GSTCD: variants seen among roughly 807,000 people sequenced by gnomAD.
GSTCD encodes the protein glutathione S-transferase C-terminal domain containing.
In GSTCD, 44 loss-of-function variants were observed where a neutral mutation model predicts 68.3. The ratio of observed to expected loss-of-function variants is 0.64; its 90% CI spans 0.51 to 0.83. The LOEUF (loss-of-function observed/expected upper bound fraction) is 0.83. GSTCD is among the 40% of genes least tolerant of loss of function. The pLI is 0.00. For missense variants in GSTCD, 739 were observed against 735.9 expected (o/e 1.00, Z -0.05); for synonymous variants, 273 against 255.2 (o/e 1.07, Z -0.67).
In GSTCD at chr4:105,834,515, A is replaced by C. The variant is rs777504198; in HGVS notation, c.1585A>C (p.Lys529Gln). 6 of 1,614,032 alleles carry C rather than the reference A, an allele frequency of 3.7e-6. No homozygotes were observed. The Admixed American group carries it at 1.0e-4, about 27-fold the overall frequency. The change falls in exon 9 of 12, where the codon AAA becomes CAA. Residue 529 changes from lysine to glutamine, a missense_variant. Transcript: ENST00000515279. The part of the protein sequence containing the change: ...ATDMVIEHCI[K>Q]TRASFVTCPC... ...AGACATGGTGATTGAGCACTGTATCAAAACACGGGCTTCCTTCGTCACATG... is the reference window on the plus strand; with the variant it reads ...AGACATGGTGATTGAGCACTGTATCCAAACACGGGCTTCCTTCGTCACATG...
intron 5 of GSTCD, among the ~76,000 whole-genome samples, chr4:105,785,787 T>C (rs1032364499): frequency 2.6e-5 from 4 of 152,070 alleles, no homozygotes; most frequent in Non-Finnish European, 4.4e-5. Flanking sequence ...GGCCTCTACA[T>C]TGGAAAAAGA....
intron 5 of GSTCD, among the ~76,000 whole-genome samples, chr4:105,748,882 CA>C (rs1733906565): frequency 6.6e-6 from 1 of 151,738 alleles, no homozygotes; most frequent in Admixed American, 6.6e-5. Flanking sequence ...TTTTACTGGG[CA>C]AAATTGTCCA....
chr4:105,790,429 A>G (rs891854944), intron 5 of GSTCD, among the ~76,000 whole-genome samples: 2 of 152,072 alleles, frequency 1.3e-5, no homozygotes, highest in African/African-American at 2.4e-5. Flanking sequence ...GCTTGAGGCC[A>G]GGAGTTCAAG....
At chr4:105,722,767 A>G (rs1370575425) in intron 3 of GSTCD, among the ~76,000 whole-genome samples, 1 of 151,186 alleles carries the variant, frequency 6.6e-6, no homozygotes, top group Non-Finnish European at 1.5e-5. Flanking sequence ...TTAAAAATAG[A>G]TCATCTTTTT....
chr4:105,734,207 G>T (rs574861457), intron 5 of GSTCD, among the ~76,000 whole-genome samples: 26 of 152,216 alleles, frequency 1.7e-4, no homozygotes, highest in Non-Finnish European at 2.9e-4. Flanking sequence ...GGCATTCTCC[G>T]TATTTCCTGA....
rs1202183703 is a variant in GSTCD at position 105,822,337 on chromosome 4, A to G, written c.1241-617A>G. 4.6e-5 allele frequency among the ~76,000 whole-genome samples: 7 copies of G among 152,256 alleles called. No homozygotes were observed. The South Asian group carries it at 1.4e-3, about 32-fold the overall frequency. ...GAAAGGAAGCTTCAAAGCAGAAAAC[A>G]GAAAATCCAATTTCTCCCTAAATAC... On this transcript the variant is annotated intron_variant, in intron 5 of 11. Coordinates refer to ENST00000515279, the MANE Select transcript of GSTCD (RefSeq NM_001370181.1).
chr4:105,738,368 C>T (rs942449448), intron 5 of GSTCD, among the ~76,000 whole-genome samples: 2 of 152,130 alleles, frequency 1.3e-5, no homozygotes, highest in African/African-American at 4.8e-5. Flanking sequence ...TTTGGCTGTT[C>T]AGACTCTTCT....
chr4:105,719,062 T>G lies in GSTCD; in HGVS notation c.429T>G (p.Val143=). ...KKTCLKACAE[V]SQWTRLCELT... ...CTTGTTTTGTTTTTGTTTTGTAGGT[T>G]AGTCAGTGGACCAGGCTATGTGAAC... is the stretch of plus-strand genomic sequence containing the variant. The change falls in exon 3 of 12, where the codon GTT becomes GTG. Residue 143 remains valine, a splice_region_variant and synonymous_variant. Coordinates refer to ENST00000515279, the MANE Select transcript of GSTCD (RefSeq NM_001370181.1). 1 of 1,593,328 alleles carries G rather than the reference T, an allele frequency of 6.3e-7. No homozygotes were observed. The highest frequency in any genetic ancestry group is 8.5e-7 in the Non-Finnish European group (1 of 1,171,370).
chr4:105,763,675 A>C (rs1052454144), intron 5 of GSTCD, among the ~76,000 whole-genome samples: 1 of 152,188 alleles, frequency 6.6e-6, no homozygotes. Flanking sequence ...TATAAACATA[A>C]CACAGTTATT....
At chr4:105,820,445 T>C (rs1314422035) in intron 5 of GSTCD, 1 of 151,866 alleles carries the variant, frequency 6.6e-6, no homozygotes, top group Non-Finnish European at 1.5e-5. Context: ...ATTTTATGCT[T>C]GTAAATATTG....
In GSTCD at chr4:105,834,523, G is replaced by A. The variant is rs1724032326; in HGVS notation, c.1593G>A (p.Arg531=). The change falls in exon 9 of 12, where the codon CGG becomes CGA. Residue 531 remains arginine, a synonymous_variant. Coordinates refer to ENST00000515279, the MANE Select transcript of GSTCD (RefSeq NM_001370181.1). Reference sequence around the variant, plus strand: ...TGATTGAGCACTGTATCAAAACACGGGCTTCCTTCGTCACATGCCCTTGCT... The same window carrying A: ...TGATTGAGCACTGTATCAAAACACGAGCTTCCTTCGTCACATGCCCTTGCT... ...DMVIEHCIKT[R]ASFVTCPCCY... is the part of the protein sequence containing the mutation. 6.2e-7 allele frequency: 1 copy of A among 1,613,864 alleles called. No homozygotes were observed. Among genetic ancestry groups the A allele is most frequent in the Admixed American group, 1.7e-5 (1 of 59,984 alleles).
chr4:105,765,032 C>G (rs1002034738), intron 5 of GSTCD, among the ~76,000 whole-genome samples: 1 of 152,072 alleles, frequency 6.6e-6, no homozygotes, highest in Non-Finnish European at 1.5e-5. Context: ...TTCATTACAA[C>G]TCAATTCACA....
chr4:105,779,205 T>C (rs1204361915), intron 5 of GSTCD, among the ~76,000 whole-genome samples: 4 of 152,168 alleles, frequency 2.6e-5, no homozygotes, highest in Non-Finnish European at 4.4e-5. Context: ...TCTGGAACAC[T>C]TCCTCAGTCT....
intron 5 of GSTCD, among the ~76,000 whole-genome samples, chr4:105,771,099 G>T (rs1734827470): frequency 1.3e-5 from 2 of 152,166 alleles, no homozygotes; most frequent in South Asian, 4.2e-4. Context: ...TTGTGGTTTT[G>T]ATTTGAATTT....
intron 5 of GSTCD, among the ~76,000 whole-genome samples, chr4:105,733,427 A>C (rs558444400): frequency 1.6e-4 from 24 of 152,128 alleles, no homozygotes; most frequent in Admixed American, 2.0e-4. Flanking sequence ...GAATTGATCC[A>C]TTTACCATTA....
At chr4:105,783,591 T>C (rs904679602) in intron 5 of GSTCD, among the ~76,000 whole-genome samples, 9 of 152,114 alleles carry the variant, frequency 5.9e-5, no homozygotes, top group African/African-American at 2.2e-4. Flanking sequence ...TGTATGTGTA[T>C]GTATATATTT....
chr4:105,777,101 T>C (rs1735098167), intron 5 of GSTCD, among the ~76,000 whole-genome samples: 1 of 152,232 alleles, frequency 6.6e-6, no homozygotes, highest in African/African-American at 2.4e-5. Flanking sequence ...ATGGGAGTTT[T>C]GTGAGTTACC....
chr4:105,780,063 C>T (rs1470118705), intron 5 of GSTCD, among the ~76,000 whole-genome samples: 1 of 152,154 alleles, frequency 6.6e-6, no homozygotes, highest in African/African-American at 2.4e-5. Flanking sequence ...TCATATTGCT[C>T]CTTGCCAACA....
At chr4:105,761,220 T>G (rs528245995) in intron 5 of GSTCD, 14 of 171,510 alleles carry the variant, frequency 8.2e-5, no homozygotes, top group Non-Finnish European at 1.6e-4. Context: ...GCCAGGCTGG[T>G]CTCGAACTCC....
Sources: gnomAD v4.1 joint callset for allele counts (sites outside exome capture counted in the v4.1 genomes callset) on GRCh38, gnomAD v4.1.1 for gene constraint, MANE v1.5 for transcripts, NCBI Gene and HGNC (gene_info 2026-07-23, HGNC 2026-07-21) for gene names.